Variants in PPIG observed in about 807,000 individuals in gnomAD.
PPIG encodes the protein peptidylprolyl isomerase G.
A neutral mutation model predicts 87.9 loss-of-function variants in PPIG; 26 were observed. The ratio of observed to expected loss-of-function variants is 0.30; its 90% CI spans 0.22 to 0.41. PPIG has a LOEUF of 0.41. Ranked by LOEUF, PPIG falls within the 10% of genes least tolerant of loss-of-function variation. The pLI, the probability that PPIG is intolerant of heterozygous loss-of-function variation, is 1.00. For synonymous variants in PPIG, 308 were observed against 276.5 expected (o/e 1.11, Z -1.13); for missense variants, 722 against 879.4 (o/e 0.82, Z 2.26).
chr2:169,591,422 T>C (rs1017532276), intron 1 of PPIG, among the ~76,000 whole-genome samples: 6 of 152,174 alleles, frequency 3.9e-5, no homozygotes, highest in African/African-American at 1.4e-4. Context: ...AAAATAACTT[T>C]AATCACCTGC....
At chr2:169,604,848 T>TGAGCTAGAA (rs1474605516) in intron 4 of PPIG, among the ~76,000 whole-genome samples, 1 of 150,508 alleles carries the variant, frequency 6.6e-6, no homozygotes, top group Non-Finnish European at 1.5e-5. Flanking sequence ...CACTCCAGCC[T>TGAGCTAGAA]GAGCTAGAAG....
chr2:169,629,288 A>T (rs558997545), intron 9 of PPIG, among the ~76,000 whole-genome samples: 16 of 152,358 alleles, frequency 1.1e-4, no homozygotes, highest in African/African-American at 3.6e-4. Context: ...TTCCAGGCAT[A>T]ATATTTTATC....
In PPIG at chr2:169,637,478, T is replaced by A. The variant is rs1251172948; in HGVS notation, c.2220T>A (p.Phe740Leu). 1 of 1,603,568 alleles carries A rather than the reference T, an allele frequency of 6.2e-7. No homozygotes were observed. Among genetic ancestry groups the A allele is most frequent in the South Asian group, 1.1e-5 (1 of 88,596 alleles). Reference sequence around the variant, plus strand: ...ATGTACATGAAAAAAATAAAAAATTTGATCATGAATCAAGCCCTGGAACAG... The same window carrying A: ...ATGTACATGAAAAAAATAAAAAATTAGATCATGAATCAAGCCCTGGAACAG... ...NDHVHEKNKK[F>L]DHESSPGTDE... The change falls in exon 14 of 14, where the codon TTT (phenylalanine) becomes TTA (leucine). Residue 740 changes from phenylalanine (F) to leucine (L), a missense_variant. By Grantham distance (22) the Phe-to-Leu change is conservative. Coordinates refer to ENST00000260970, the MANE Select transcript of PPIG (RefSeq NM_004792.3).
chr2:169,632,669 T>C (rs1276491581), intron 11 of PPIG, among the ~76,000 whole-genome samples: 1 of 151,918 alleles, frequency 6.6e-6, no homozygotes, highest in African/African-American at 2.4e-5. Flanking sequence ...TAAGTAAACC[T>C]GGGAGGCGGA....
At chr2:169,619,273 G>A (rs1392543143) in intron 9 of PPIG, among the ~76,000 whole-genome samples, 1 of 152,238 alleles carries the variant, frequency 6.6e-6, no homozygotes, top group East Asian at 1.9e-4. Context: ...ACTTGATGAG[G>A]AGTGTTTTAC....
intron 1 of PPIG, among the ~76,000 whole-genome samples, chr2:169,601,199 G>A (rs952878958): frequency 6.6e-6 from 1 of 152,258 alleles, no homozygotes; most frequent in African/African-American, 2.4e-5. Context: ...AATTTGTTCA[G>A]TTTCTCCCCA....
At chr2:169,608,555 TATCTAAG>T in intron 6 of PPIG, 109 bp from the exon 7 acceptor site, 1 of 545,658 alleles carries the variant, frequency 1.8e-6, no homozygotes, top group South Asian at 2.4e-5. Flanking sequence ...CTAACTTTAT[TATCTAAG>T]TAAGTTGTGT....
chr2:169,617,724 A>C (rs1176388120), intron 9 of PPIG, among the ~76,000 whole-genome samples: 1 of 152,204 alleles, frequency 6.6e-6, no homozygotes, highest in East Asian at 1.9e-4. Context: ...ACTTTGCTGA[A>C]GTTGCTTATC....
At chr2:169,604,294 G>T in intron 4 of PPIG, 33 bp downstream of exon 4, 1 of 1,040,542 alleles carries the variant, frequency 9.6e-7, no homozygotes, top group South Asian at 1.4e-5. Context: ...CCTAATAGTA[G>T]TCTCAGTTGA....
At chr2:169,633,303 A>T in intron 12 of PPIG, 56 bp downstream of exon 12, 1 of 1,299,700 alleles carries the variant, frequency 7.7e-7, no homozygotes, top group Non-Finnish European at 1.1e-6. Context: ...TTCCTTAAAT[A>T]ATTTTAGGGT....
intron 9 of PPIG, 134 bp from the exon 10 acceptor site, chr2:169,630,640 A>G: frequency 2.8e-6 from 2 of 721,758 alleles, no homozygotes; most frequent in East Asian, 5.4e-5. Flanking sequence ...CCTTTCCTGT[A>G]CTTCCCAGTT....
intron 10 of PPIG, chr2:169,631,299 A>G (rs775008974): frequency 2.0e-5 from 6 of 307,690 alleles, no homozygotes; most frequent in African/African-American, 9.0e-5. Flanking sequence ...TGTTTTTCCT[A>G]TTTTCAGTAG....
chr2:169,604,330 T>TTG, intron 4 of PPIG, 69 bp downstream of exon 4: 1 of 217,548 alleles, frequency 4.6e-6, no homozygotes, highest in East Asian at 1.7e-4. Flanking sequence ...TTGCTTGGTT[T>TTG]TTTTTTTTTT....
At chr2:169,611,742 G>A (rs1474164173) in intron 7 of PPIG, among the ~76,000 whole-genome samples, 1 of 152,064 alleles carries the variant, frequency 6.6e-6, no homozygotes, top group African/African-American at 2.4e-5. Context: ...CCTATGTTAA[G>A]TTCATATAAT....
intron 9 of PPIG, among the ~76,000 whole-genome samples, chr2:169,623,092 T>C (rs897319568): frequency 4.6e-5 from 7 of 152,230 alleles, no homozygotes; most frequent in Non-Finnish European, 7.4e-5. Context: ...TTTGTGACTA[T>C]TTGAGTGTGC....
chr2:169,604,957 G>T (rs1318220406), intron 4 of PPIG, among the ~76,000 whole-genome samples: 1 of 152,072 alleles, frequency 6.6e-6, no homozygotes, highest in African/African-American at 2.4e-5. Context: ...CAGCACTTTG[G>T]GGGGCCGAGG....
intron 9 of PPIG, among the ~76,000 whole-genome samples, chr2:169,628,403 G>A (rs1272931114): frequency 6.6e-6 from 1 of 152,132 alleles, no homozygotes; most frequent in Non-Finnish European, 1.5e-5. Context: ...CATCAGTACT[G>A]GAAAAGCAGT....
chr2:169,637,405 C>T lies in PPIG; in HGVS notation c.2147C>T (p.Ser716Phe). The T allele has an allele frequency of 6.2e-7, 1 of 1,612,770 alleles. No homozygotes were observed. Among genetic ancestry groups the T allele is most frequent in the Non-Finnish European group, 8.5e-7 (1 of 1,179,722 alleles). The change falls in exon 14 of 14, where the codon TCC (serine) becomes TTC (phenylalanine). Residue 716 changes from serine (S) to phenylalanine (F), a missense_variant. Around this residue, in one of 4 missense-constraint regions of PPIG, gnomAD observed 476 missense variants for 483.1 expected, o/e 0.99. Coordinates refer to ENST00000260970, the MANE Select transcript of PPIG (RefSeq NM_004792.3). ...AATAAGGAGGATGAGAAGATCAGAT[C>T]CTCAGTGGAAAAAGAAAACCAAAAA... is the stretch of plus-strand genomic sequence containing the variant. ...LKNKEDEKIR[S>F]SVEKENQKSK...
chr2:169,596,112 T>G (rs1685009895), intron 1 of PPIG, among the ~76,000 whole-genome samples: 1 of 141,502 alleles, frequency 7.1e-6, no homozygotes, highest in African/African-American at 2.7e-5. Flanking sequence ...CCTTTTTGTT[T>G]GTTTTTTTGA....
Sources: gnomAD v4.1 joint callset for allele counts (sites outside exome capture counted in the v4.1 genomes callset) on GRCh38, gnomAD v4.1.1 for gene constraint, gnomAD v4.1.1 regional missense constraint, MANE v1.5 for transcripts, NCBI Gene and HGNC (gene_info 2026-07-23, HGNC 2026-07-21) for gene names.